The following RIPPLY3 variants were observed in gnomAD, a reference collection of about 807,000 sequenced individuals.
RIPPLY3 encodes the protein protein ripply3.
Under a neutral mutation model 11.9 loss-of-function variants are expected in RIPPLY3, and 8 were observed. The observed-to-expected ratio is 0.67, with a 90% confidence interval of 0.40 to 1.21. RIPPLY3 has a LOEUF of 1.21. Among genes scored for constraint, RIPPLY3 ranks in the 50% most tolerant of loss-of-function variants. RIPPLY3 has a pLI of 0.01. For missense variants in RIPPLY3, 271 were observed against 246.0 expected (o/e 1.10, Z -0.68); for synonymous variants, 102 against 99.0 (o/e 1.03, Z -0.18).
At chr21:37,008,118 T>G in intron 1 of RIPPLY3, 39 bp from the exon 2 acceptor site, 1 of 1,607,798 alleles carries the variant, frequency 6.2e-7, no homozygotes, top group Non-Finnish European at 8.5e-7. Flanking sequence ...GCAGCAGAAG[T>G]GCCCAGGGTT....
In RIPPLY3 at chr21:37,018,264, G is replaced by A. The variant is rs758396623; in HGVS notation, c.*57G>A. On this transcript the variant is annotated 3_prime_UTR_variant, in exon 4 of 4. Transcript: ENST00000329553. ...GACCTGCCCCTCACGTTCTCTTGGGGACACCCGAGCCAGGACACTACGCAT... is the reference window on the plus strand; with the variant it reads ...GACCTGCCCCTCACGTTCTCTTGGGAACACCCGAGCCAGGACACTACGCAT... 6.8e-7 allele frequency: 1 copy of A among 1,466,836 alleles called. No homozygotes were observed. The highest frequency in any genetic ancestry group is 2.3e-5 in the East Asian group (1 of 44,084). 90.9% of individuals were successfully genotyped at this position (1,466,836 alleles called of 1,614,324 possible). A position where few individuals can be genotyped will look rare whatever the true frequency, so the allele number is the denominator to read the frequency against.
chr21:37,015,113 T>A (rs529290847), intron 3 of RIPPLY3, among the ~76,000 whole-genome samples: 13 of 152,320 alleles, frequency 8.5e-5, no homozygotes, highest in African/African-American at 3.1e-4. Flanking sequence ...GGCACTCGGA[T>A]TCGCTTGCTC....
At position 37,018,283 on chromosome 21, in the gene RIPPLY3, TACG is replaced by T; in HGVS notation, c.*77_*79del. On this transcript the variant is annotated 3_prime_UTR_variant, in exon 4 of 4. Transcript: ENST00000329553. ...CTTGGGGACACCCGAGCCAGGACAC[TACG>T]CATCCCTGCTGAGTGTGCAGAGGCT... The T allele has an allele frequency of 8.0e-7, 1 of 1,245,114 alleles. No individual in the cohort carries two copies. The highest frequency in any genetic ancestry group is 1.2e-6 in the Non-Finnish European group (1 of 858,628). 77.1% of individuals were successfully genotyped at this position (1,245,114 alleles called of 1,614,324 possible).
rs1034092473 is a variant in RIPPLY3, at chr21:37,018,383, C to T, written c.*176C>T. ...AAGTCAGCTTTTACTTTTCTTTCCC[C>T]TGGCAATTCGTTTTTGGTGCACTCA... On this transcript the variant is annotated 3_prime_UTR_variant, in exon 4 of 4. Transcript: ENST00000329553. 5.0e-6 allele frequency: 3 copies of T among 602,640 alleles called. No homozygotes were observed. In the African/African-American group the frequency reaches 5.6e-5, roughly 11 times the overall value. The allele number at this position is 602,640 out of a possible 1,614,324, so 37.3% of individuals were successfully genotyped here. A position where few individuals can be genotyped will look rare whatever the true frequency, so the allele number is the denominator to read the frequency against.
In RIPPLY3 at chr21:37,018,169, G is replaced by A. The variant is rs1269595580; in HGVS notation, c.535G>A (p.Val179Ile). The A allele has an allele frequency of 6.2e-7, 1 of 1,613,964 alleles. No homozygotes were observed. Among genetic ancestry groups the A allele is most frequent in the Non-Finnish European group, 8.5e-7 (1 of 1,179,954 alleles). Reference sequence around the variant, plus strand: ...GGGGGAGGGTCCGCTCCCTCAAGGTGTCTCCTCAAGGGGTGGCAAGTGCTC... The same window carrying A: ...GGGGGAGGGTCCGCTCCCTCAAGGTATCTCCTCAAGGGGTGGCAAGTGCTC... ...HWGEGPLPQGVSSRGGKCSSS... is the reference protein window; with the variant it reads ...HWGEGPLPQGISSRGGKCSSS... Residue 179 changes from valine (V) to isoleucine (I), a missense_variant, in exon 4 of 4, where the codon GTC becomes ATC. Physicochemically the swap from Val to Ile is conservative, Grantham distance 29 (BLOSUM62 3). Coordinates refer to ENST00000329553, the MANE Select transcript of RIPPLY3 (RefSeq NM_018962.3).
chr21:37,014,181 G>C (rs1410703863), intron 3 of RIPPLY3, among the ~76,000 whole-genome samples: 2 of 152,108 alleles, frequency 1.3e-5, no homozygotes, highest in African/African-American at 4.8e-5. Context: ...AGCTGGGCAT[G>C]GTGGTGGGCA....
rs758860505 is a variant in RIPPLY3, at chr21:37,017,960, T to C, written c.326T>C (p.Ile109Thr). Residue 109 changes from isoleucine to threonine, a missense_variant, in exon 4 of 4, where the codon ATT becomes ACT. Ile to Thr is a moderately conservative substitution (Grantham distance 89). Coordinates refer to ENST00000329553, the MANE Select transcript of RIPPLY3 (RefSeq NM_018962.3). Reference sequence around the variant, plus strand: ...GCCAGTTTCCCAGTGCAAGCCACGATTGACTTCTACGACGATGAGTCTACT... The same window carrying C: ...GCCAGTTTCCCAGTGCAAGCCACGACTGACTTCTACGACGATGAGTCTACT... ...VLASFPVQATIDFYDDESTES... is the reference protein window; with the variant it reads ...VLASFPVQATTDFYDDESTES... 4 of 1,614,052 alleles carry C rather than the reference T, an allele frequency of 2.5e-6. No homozygotes were observed. The highest frequency in any genetic ancestry group is 4.5e-5 in the East Asian group (2 of 44,898).
chr21:37,008,995 G>C lies in RIPPLY3; in HGVS notation c.171+772G>C, dbSNP rs1016481253. On this transcript the variant is annotated intron_variant, in intron 2 of 3. Coordinates refer to ENST00000329553, the MANE Select transcript of RIPPLY3 (RefSeq NM_018962.3). ...TTGCCGTTAAAAGCCCCCACCCCGCGTCTGGCCCTTTCTGAAGCACTTTCA... is the reference window on the plus strand; with the variant it reads ...TTGCCGTTAAAAGCCCCCACCCCGCCTCTGGCCCTTTCTGAAGCACTTTCA... Among the ~76,000 whole-genome samples the C allele has an allele frequency of 2.0e-5, 3 of 152,144 alleles. No individual in the cohort carries two copies. In the South Asian group the frequency reaches 6.2e-4, roughly 31 times the overall value.
At chr21:37,011,790 A>T (rs1212180465) in intron 2 of RIPPLY3, among the ~76,000 whole-genome samples, 1 of 151,728 alleles carries the variant, frequency 6.6e-6, no homozygotes, top group African/African-American at 2.4e-5. Flanking sequence ...CATCTCTACT[A>T]AAAATACAAA....
intron 2 of RIPPLY3, 49 bp from the exon 3 acceptor site, chr21:37,013,502 T>C: frequency 6.6e-7 from 1 of 1,522,090 alleles, no homozygotes; most frequent in Non-Finnish European, 9.1e-7. Context: ...GATGTCACCT[T>C]CCGACACTCC....
At chr21:37,006,486 T>G (rs772694609), upstream of RIPPLY3, 25 of 275,968 alleles carry the variant, frequency 9.1e-5, no homozygotes, top group Non-Finnish European at 1.4e-4. This position sits in a 1 kb window ranked among gnomAD's most constrained non-coding sequence, Gnocchi z 5.2. Context: ...CGGCGCCACC[T>G]CCTTGAGCTT....
chr21:37,011,883 C>T (rs113110490), intron 2 of RIPPLY3, among the ~76,000 whole-genome samples: 1 of 135,926 alleles, frequency 7.4e-6, no homozygotes, highest in African/African-American at 2.8e-5. Context: ...GAGCCGAGAT[C>T]GCACCACTGC....
intron 2 of RIPPLY3, among the ~76,000 whole-genome samples, chr21:37,009,491 A>C (rs78264678): frequency 0.015 from 2,316 of 152,350 alleles, 42 homozygotes; most frequent in East Asian, 0.073. Context: ...ACAAGAGATG[A>C]TTTTTAGTCC....
In RIPPLY3 at chr21:37,006,723, C is replaced by G. The variant is rs2069467319; in HGVS notation, c.-50C>G. The stretch of plus-strand genomic sequence containing the variant: ...GCGCGTTAGCCCGAGTGGATCTAGG[C>G]GCGCTCGTAGGCCGGCGCCGCAGCA... On this transcript the variant is annotated 5_prime_UTR_variant, in exon 1 of 4. Transcript: ENST00000329553. The surrounding 1 kb of genome is among the most constrained non-coding windows in gnomAD (Gnocchi z 5.2). 11 of 1,150,660 alleles carry G rather than the reference C, an allele frequency of 9.6e-6. No individual in the cohort carries two copies. Among genetic ancestry groups the G allele is most frequent in the Non-Finnish European group, 1.2e-5 (11 of 916,300 alleles). The allele number at this position is 1,150,660 out of a possible 1,614,324, so 71.3% of individuals were successfully genotyped here.
chr21:37,007,835 G>A (rs767241682), intron 1 of RIPPLY3, among the ~76,000 whole-genome samples: 1 of 152,176 alleles, frequency 6.6e-6, no homozygotes, highest in Non-Finnish European at 1.5e-5. Flanking sequence ...AGCTATAGTT[G>A]GGGAACCCCG....
Position 37,018,238 on chromosome 21 carries a change from G to A in RIPPLY3, c.*31G>A, listed in dbSNP as rs1469497395. On this transcript the variant is annotated 3_prime_UTR_variant, in exon 4 of 4. Coordinates refer to ENST00000329553, the MANE Select transcript of RIPPLY3 (RefSeq NM_018962.3). ...TCTCTGTCTCCTGGGCCCTGCTCTG[G>A]GACCTGCCCCTCACGTTCTCTTGGG... 1 of 1,574,382 alleles carries A rather than the reference G, an allele frequency of 6.4e-7. No individual in the cohort carries two copies. The highest frequency in any genetic ancestry group is 2.2e-5 in the East Asian group (1 of 44,680).
chr21:37,017,045 T>C (rs1432058737), intron 3 of RIPPLY3, among the ~76,000 whole-genome samples: 2 of 150,312 alleles, frequency 1.3e-5, no homozygotes, highest in East Asian at 4.0e-4. Context: ...TCTCAGCTAT[T>C]TGGGAGGCTG....
At chr21:37,008,714 T>C (rs1341916944) in intron 2 of RIPPLY3, among the ~76,000 whole-genome samples, 2 of 131,880 alleles carry the variant, frequency 1.5e-5, no homozygotes, top group African/African-American at 5.8e-5. Context: ...GCCGAGATCA[T>C]GCCACTGCAC....
In RIPPLY3 at chr21:37,017,801, A is replaced by G. The variant is rs2069593409; in HGVS notation, c.240-73A>G. 3.8e-5 allele frequency: 49 copies of G among 1,292,696 alleles called. 1 individual carries two copies. In the South Asian group the frequency reaches 7.3e-4, roughly 19 times the overall value. 80.1% of individuals were successfully genotyped at this position (1,292,696 alleles called of 1,614,324 possible). A position where few individuals can be genotyped will look rare whatever the true frequency, so the allele number is the denominator to read the frequency against. ...ACTGGGGAGTTCTCTGCTTCTGGGA[A>G]AAAGCACCCTCTAGAAGCAATTTAG... On this transcript the variant is annotated intron_variant, in intron 3 of 3. Transcript: ENST00000329553.
Sources: allele counts gnomAD v4.1 joint callset (sites outside exome capture counted in the v4.1 genomes callset), GRCh38; gene constraint gnomAD v4.1.1; non-coding constraint Gnocchi (gnomAD v3.1); transcripts MANE v1.5; gene names NCBI Gene and HGNC (gene_info 2026-07-23, HGNC 2026-07-21).